ATXN2: variants seen among roughly 807,000 people sequenced by gnomAD.
The protein encoded by ATXN2 is ataxin-2.
A neutral mutation model predicts 138.6 loss-of-function variants in ATXN2; 37 were observed. The observed-to-expected ratio is 0.27, with a 90% CI of 0.21 to 0.35. The LOEUF (loss-of-function observed/expected upper bound fraction) is 0.35. Among genes scored for constraint, ATXN2 ranks in the 10% least tolerant of loss-of-function variants. The probability of loss-of-function intolerance (pLI) is 1.00; values close to 1 mark genes in which losing one functional copy is unlikely to be tolerated. For missense variants in ATXN2, 1,216 were observed against 1,480.3 expected, an observed-to-expected ratio of 0.82 and a Z score of 2.93; for synonymous variants, 549 against 543.7, an observed-to-expected ratio of 1.01 and a Z score of -0.13.
chr12:111,485,194 C>T (rs1021484015), intron 18 of ATXN2, 71 bp downstream of exon 18: 1 of 1,414,050 alleles, frequency 7.1e-7, no homozygotes, highest in African/African-American at 1.4e-5. Flanking sequence ...ACTATTTATT[C>T]ATTATAAACT....
In ATXN2 at chr12:111,578,924, C is replaced by T. The variant is rs558075776; in HGVS notation, c.251+19860G>A. On this transcript the variant is annotated intron_variant, in intron 1 of 24. Transcript: ENST00000673436. ...AGGTGTGGTGGTACATGCCTGTGGTCCCAGCCAGGAGGCTGAGGCAGGAGG... is the reference window on the plus strand; with the variant it reads ...AGGTGTGGTGGTACATGCCTGTGGTTCCAGCCAGGAGGCTGAGGCAGGAGG... 9.9e-5 allele frequency among the ~76,000 whole-genome samples: 15 copies of T among 151,990 alleles called. No individual in the cohort carries two copies. The South Asian group carries it at 3.1e-3, about 32-fold the overall frequency.
intron 14 of ATXN2, among the ~76,000 whole-genome samples, chr12:111,491,382 T>C (rs1878021314): frequency 6.6e-6 from 1 of 152,184 alleles, no homozygotes; most frequent in South Asian, 2.1e-4. Context: ...CATGGTACTG[T>C]GCTGGGCTCA....
In ATXN2 at chr12:111,453,663, C is replaced by A; in HGVS notation, c.3439+14G>T. The A allele has an allele frequency of 6.4e-7, 1 of 1,564,274 alleles. No individual in the cohort carries two copies. The highest frequency in any genetic ancestry group is 8.7e-7 in the Non-Finnish European group (1 of 1,151,482). On this transcript the variant is annotated intron_variant, in intron 24 of 24. Transcript: ENST00000673436. This position sits in a 1 kb window ranked among gnomAD's most constrained non-coding sequence, Gnocchi z 5.4. ...TTGGGGTGCCCCGGCGGCCCCTGCA[C>A]ACACACGCCTCACCTGAAGGGTGCG...
chr12:111,566,748 T>C (rs557885297), intron 1 of ATXN2, among the ~76,000 whole-genome samples: 1 of 152,118 alleles, frequency 6.6e-6, no homozygotes, highest in South Asian at 2.1e-4. Context: ...GCGATTCTCC[T>C]GCCTCAGTCT....
chr12:111,542,806 C>T (rs1881590964), intron 5 of ATXN2, among the ~76,000 whole-genome samples: 1 of 152,166 alleles, frequency 6.6e-6, no homozygotes, highest in African/African-American at 2.4e-5. Flanking sequence ...TTGAATCAAC[C>T]TTACTCTTAC....
intron 14 of ATXN2, among the ~76,000 whole-genome samples, chr12:111,494,375 G>A (rs1566023613): frequency 6.6e-6 from 1 of 151,442 alleles, no homozygotes; most frequent in East Asian, 1.9e-4. Context: ...AGTTGTCATT[G>A]GTTTAAAATA....
At position 111,587,971 on chromosome 12, in the gene ATXN2, A is replaced by G. The variant is rs768311848; in HGVS notation, c.251+10813T>C. Among the ~76,000 whole-genome samples the G allele has an allele frequency of 5.3e-5, 8 of 152,144 alleles. No homozygotes were observed. The South Asian group carries it at 8.3e-4, about 16-fold the overall frequency. On this transcript the variant is annotated intron_variant, in intron 1 of 24. Coordinates refer to ENST00000673436, the MANE Select transcript of ATXN2 (RefSeq NM_001372574.1). ...ATGTTAGGAGGCCTAAGTGGGGTGG[A>G]TCACTCGAGGCCATGAGTTCAAGAT...
chr12:111,456,296 TA>T (rs1429917631), intron 22 of ATXN2, 40 bp from the exon 23 acceptor site: 1 of 1,607,050 alleles, frequency 6.2e-7, no homozygotes, highest in African/African-American at 1.3e-5. Flanking sequence ...AAAACTTCTT[TA>T]ATGAAAAGCA....
chr12:111,468,362 A>G (rs1876172524), intron 20 of ATXN2: 1 of 152,270 alleles, frequency 6.6e-6, no homozygotes, highest in Non-Finnish European at 1.5e-5. Context: ...AAATGTAGCA[A>G]TCACACAATT....
Position 111,592,349 on chromosome 12 carries a change from C to A in ATXN2, c.251+6435G>T, listed in dbSNP as rs1272792011. ...GAGGTTGCAGTGAGCCAAGATCACGCCACTGCACTCCAGCCTGGGCGACAG... is the reference window on the plus strand; with the variant it reads ...GAGGTTGCAGTGAGCCAAGATCACGACACTGCACTCCAGCCTGGGCGACAG... On this transcript the variant is annotated intron_variant, in intron 1 of 24. Coordinates refer to ENST00000673436, the MANE Select transcript of ATXN2 (RefSeq NM_001372574.1). Among the ~76,000 whole-genome samples, 6 of 151,892 alleles carry A rather than the reference C, an allele frequency of 4.0e-5. No homozygotes were observed. The East Asian group carries it at 1.2e-3, about 29-fold the overall frequency.
At chr12:111,513,284 T>C (rs945422256) in intron 11 of ATXN2, 73 bp downstream of exon 11, 4 of 1,511,316 alleles carry the variant, frequency 2.6e-6, no homozygotes, top group African/African-American at 2.8e-5. Flanking sequence ...TCAAACAGAG[T>C]TGTAGCTCAG....
chr12:111,549,450 C>T (rs962156265), intron 5 of ATXN2, among the ~76,000 whole-genome samples: 3 of 151,368 alleles, frequency 2.0e-5, no homozygotes, highest in African/African-American at 7.3e-5. Context: ...GCAGGAGAAT[C>T]GCTTAAACCC....
intron 5 of ATXN2, among the ~76,000 whole-genome samples, chr12:111,547,105 A>G (rs1196022636): frequency 6.6e-6 from 1 of 152,226 alleles, no homozygotes; most frequent in Non-Finnish European, 1.5e-5. Context: ...CAAGAACTTA[A>G]AAGTCACACT....
At chr12:111,482,143 G>C (rs1013061670) in intron 18 of ATXN2, among the ~76,000 whole-genome samples, 6 of 151,250 alleles carry the variant, frequency 4.0e-5, no homozygotes, top group Non-Finnish European at 7.4e-5. Flanking sequence ...CTTGAGGCCA[G>C]GAGTTCAAGA....
intron 1 of ATXN2, among the ~76,000 whole-genome samples, chr12:111,585,994 T>C (rs1377702873): frequency 2.0e-5 from 3 of 151,832 alleles, no homozygotes; most frequent in Non-Finnish European, 4.4e-5. Context: ...ACATCCAGAC[T>C]TAAGTGAACC....
intron 5 of ATXN2, among the ~76,000 whole-genome samples, chr12:111,535,185 T>TA (rs1478490312): frequency 6.6e-6 from 1 of 152,196 alleles, no homozygotes. Context: ...CAGCCATTGT[T>TA]ACAGGCAATA....
At chr12:111,466,594 A>G (rs115756818) in intron 20 of ATXN2, among the ~76,000 whole-genome samples, 114 of 152,378 alleles carry the variant, frequency 7.5e-4, no homozygotes, top group African/African-American at 2.6e-3. Context: ...TTAGAATAAA[A>G]TAATTATCCT....
Position 111,520,985 on chromosome 12 carries a change from T to C in ATXN2, c.697-12A>G. On this transcript the variant is annotated splice_polypyrimidine_tract_variant and intron_variant, in intron 6 of 24. Transcript: ENST00000673436. ...TCCCATCCATTAGACTAGAAGAAAA[T>C]GAAGCTTGTTTTTCAAAATGTCAAA... The C allele has an allele frequency of 6.6e-7, 1 of 1,509,424 alleles. No individual in the cohort carries two copies. The highest frequency in any genetic ancestry group is 9.1e-7 in the Non-Finnish European group (1 of 1,098,882). 93.5% of individuals were successfully genotyped at this position (1,509,424 alleles called of 1,614,324 possible).
chr12:111,459,359 T>C (rs1304882743), intron 21 of ATXN2, among the ~76,000 whole-genome samples: 1 of 152,250 alleles, frequency 6.6e-6, no homozygotes, highest in African/African-American at 2.4e-5. Context: ...GTATAGGCAC[T>C]GACTTGGTCT....
Sources: gnomAD v4.1 joint callset for allele counts (sites outside exome capture counted in the v4.1 genomes callset) on GRCh38, gnomAD v4.1.1 for gene constraint, Gnocchi (gnomAD v3.1) non-coding constraint, MANE v1.5 for transcripts, NCBI Gene and HGNC (gene_info 2026-07-23, HGNC 2026-07-21) for gene names.